FYB2: variants seen among roughly 807,000 people sequenced by gnomAD.
FYB2 encodes the protein FYN-binding protein 2.
In FYB2, 103 loss-of-function variants were observed where a neutral mutation model predicts 94.1. The observed-to-expected ratio is 1.09, with a 90% CI of 0.93 to 1.29. The LOEUF is 1.29. Among genes scored for constraint, FYB2 ranks in the 50% most tolerant of loss-of-function variants. FYB2 has a pLI of 0.00. For missense variants in FYB2, 896 were observed against 841.5 expected, an observed-to-expected ratio of 1.06 and a Z score of -0.80; for synonymous variants, 293 against 287.9, an observed-to-expected ratio of 1.02 and a Z score of -0.18.
At position 56,751,048 on chromosome 1, in the gene FYB2, G is replaced by A; in HGVS notation, c.1383C>T (p.Gly461=). 1.2e-6 allele frequency: 2 copies of A among 1,612,088 alleles called. No homozygotes were observed. Among genetic ancestry groups the A allele is most frequent in the Non-Finnish European group, 1.7e-6 (2 of 1,178,774 alleles). The change falls in exon 9 of 20, where the codon GGC becomes GGT. Residue 461 remains glycine, a synonymous_variant. Transcript: ENST00000343433. ...EGPKLARHSQ[G]HCGHLEVLES... is the part of the protein sequence containing the mutation. ...TCAGAAAGAAATGCAACTTACAGTG[G>A]CCTTGGGAGTGCCTGGCCAGCTTTG... is the stretch of plus-strand genomic sequence containing the variant.
chr1:56,779,090 C>G (rs907013506), intron 4 of FYB2, among the ~76,000 whole-genome samples: 1 of 151,938 alleles, frequency 6.6e-6, no homozygotes, highest in Non-Finnish European at 1.5e-5. Context: ...TGGAAGACAG[C>G]AAACAAGGGT....
intron 5 of FYB2, among the ~76,000 whole-genome samples, chr1:56,762,819 A>G (rs1645530551): frequency 6.6e-6 from 1 of 152,238 alleles, no homozygotes; most frequent in Non-Finnish European, 1.5e-5. Context: ...TGTTACCGGT[A>G]GTAGGGGAAA....
At chr1:56,811,751 T>C (rs1314474571) in intron 1 of FYB2, among the ~76,000 whole-genome samples, 1 of 141,602 alleles carries the variant, frequency 7.1e-6, no homozygotes, top group African/African-American at 2.7e-5. Flanking sequence ...GTTGTTGTAA[T>C]GGACCAAACA....
chr1:56,731,171 C>T (rs930503654), intron 15 of FYB2, among the ~76,000 whole-genome samples: 1 of 152,062 alleles, frequency 6.6e-6, no homozygotes, highest in East Asian at 1.9e-4. Flanking sequence ...GCCTCACACA[C>T]TGACCCCTGG....
At chr1:56,809,534 C>T (rs1243876794) in intron 1 of FYB2, among the ~76,000 whole-genome samples, 2 of 152,140 alleles carry the variant, frequency 1.3e-5, no homozygotes, top group African/African-American at 2.4e-5. Flanking sequence ...CACTCTCTTT[C>T]CAGAATGCTC....
upstream of FYB2, among the ~76,000 whole-genome samples, chr1:56,823,300 T>TA (rs1389014741): frequency 6.6e-6 from 1 of 151,830 alleles, no homozygotes; most frequent in Non-Finnish European, 1.5e-5. Flanking sequence ...AGTGGACCAT[T>TA]AAAAAAACAG....
At position 56,789,115 on chromosome 1, in the gene FYB2, C is replaced by T. The variant is rs1190654288; in HGVS notation, c.777G>A (p.Arg259=). ...GCTTTGTTTTGGGAAGGTGGTGATG[C>T]CTGACATCTGGCTGTTTTTCTGAAC... ...SQAPEKQPDV[R]HHHLPKTKPL... is the part of the protein sequence containing the mutation. The change falls in exon 3 of 20, where the codon AGG becomes AGA. Residue 259 remains arginine, a synonymous_variant. Coordinates refer to ENST00000343433, the MANE Select transcript of FYB2 (RefSeq NM_001004303.5). The T allele has an allele frequency of 6.3e-7, 1 of 1,590,066 alleles. No individual in the cohort carries two copies. Among genetic ancestry groups the T allele is most frequent in the Non-Finnish European group, 8.5e-7 (1 of 1,169,622 alleles).
intron 7 of FYB2, among the ~76,000 whole-genome samples, chr1:56,755,480 A>G (rs1645305358): frequency 6.6e-6 from 1 of 152,112 alleles, no homozygotes; most frequent in African/African-American, 2.4e-5. Context: ...AAAAGAGCAA[A>G]GGCAAAGAGA....
chr1:56,740,904 A>C (rs1187071461), intron 12 of FYB2, 109 bp from the exon 13 acceptor site: 1 of 671,200 alleles, frequency 1.5e-6, no homozygotes, highest in Non-Finnish European at 2.4e-6. Context: ...TGTAAGTGGG[A>C]GCTAAACAAT....
At chr1:56,755,492 T>G (rs961080844) in intron 7 of FYB2, among the ~76,000 whole-genome samples, 1 of 152,100 alleles carries the variant, frequency 6.6e-6, no homozygotes, top group Non-Finnish European at 1.5e-5. Flanking sequence ...GCAAAGAGAC[T>G]TCAAACAGCA....
chr1:56,755,831 A>G, intron 7 of FYB2, 65 bp downstream of exon 7: 2 of 1,481,414 alleles, frequency 1.4e-6, no homozygotes, highest in Non-Finnish European at 1.9e-6. Flanking sequence ...ATAGAGGAAA[A>G]CTAGTTCAGT....
chr1:56,792,689 C>T lies in FYB2; in HGVS notation c.124G>A (p.Gly42Ser), dbSNP rs1176678492. ...AGVSPKGDIGGTQSTQILANG... is the reference protein window; with the variant it reads ...AGVSPKGDIGSTQSTQILANG... ...GCCAAAATTTGAGTTGACTGTGTGC[C>T]TCCAATGTCACCCTTTGGAGAAACA... The change falls in exon 2 of 20, where the codon GGC becomes AGC. Residue 42 changes from glycine (G) to serine (S), a missense_variant. Coordinates refer to ENST00000343433, the MANE Select transcript of FYB2 (RefSeq NM_001004303.5). 5 of 1,614,080 alleles carry T rather than the reference C, an allele frequency of 3.1e-6. No individual in the cohort carries two copies. The highest frequency in any genetic ancestry group is 1.1e-5 in the South Asian group (1 of 91,072).
intron 1 of FYB2, among the ~76,000 whole-genome samples, chr1:56,797,648 G>C (rs568726347): frequency 4.6e-5 from 7 of 152,240 alleles, no homozygotes; most frequent in African/African-American, 1.2e-4. Flanking sequence ...TGTGCTACGT[G>C]GTGGGTAGCA....
chr1:56,768,712 A>G (rs1645684817), intron 4 of FYB2, among the ~76,000 whole-genome samples: 1 of 152,210 alleles, frequency 6.6e-6, no homozygotes, highest in Non-Finnish European at 1.5e-5. Context: ...ACTCAAAATA[A>G]GCTGATAGTG....
chr1:56,756,096 G>T (rs1645323950), intron 6 of FYB2, among the ~76,000 whole-genome samples, 169 bp from the exon 7 acceptor site: 1 of 152,038 alleles, frequency 6.6e-6, no homozygotes, highest in Non-Finnish European at 1.5e-5. Context: ...TTGCAGTGGG[G>T]CTGAAGATCA....
intron 4 of FYB2, among the ~76,000 whole-genome samples, chr1:56,771,353 A>T (rs1557632789): frequency 6.6e-6 from 1 of 152,182 alleles, no homozygotes; most frequent in South Asian, 2.1e-4. Flanking sequence ...CGTAAAAAAA[A>T]GTTGCAGAAG....
intron 9 of FYB2, among the ~76,000 whole-genome samples, chr1:56,750,279 A>G (rs1250091571): frequency 6.6e-6 from 1 of 152,104 alleles, no homozygotes; most frequent in Non-Finnish European, 1.5e-5. Context: ...AATTAGTAGT[A>G]GTATCACCAT....
Position 56,744,027 on chromosome 1 carries a change from A to T in FYB2, c.1542T>A (p.Ser514Arg), listed in dbSNP as rs144051493. The T allele has an allele frequency of 8.7e-6, 14 of 1,612,090 alleles. No homozygotes were observed. In the African/African-American group the frequency reaches 1.9e-4, roughly 22 times the overall value. ...TCAGAAATGTCTTCCTATACTTACCACTACTTGAGGCAAGTGAGCTAGAGT... is the reference window on the plus strand; with the variant it reads ...TCAGAAATGTCTTCCTATACTTACCTCTACTTGAGGCAAGTGAGCTAGAGT... ...LNYSSSLASS[S>R]EENRELYEDV... The change falls in exon 11 of 20, where the codon AGT (serine) becomes AGA (arginine). Residue 514 changes from serine (S) to arginine (R), a missense_variant and splice_region_variant. Transcript: ENST00000343433.
Position 56,730,322 on chromosome 1 carries a change from G to C in FYB2, c.1794-3739C>G, listed in dbSNP as rs964398147. Among the ~76,000 whole-genome samples, 19 of 137,558 alleles carry C rather than the reference G, an allele frequency of 1.4e-4. No individual in the cohort carries two copies. The Admixed American group carries it at 1.4e-3, about 10-fold the overall frequency. 90.2% of individuals were successfully genotyped at this position (137,558 alleles called of 152,430 possible). A position where few individuals can be genotyped will look rare whatever the true frequency, so the allele number is the denominator to read the frequency against. On this transcript the variant is annotated intron_variant, in intron 15 of 19. Transcript: ENST00000343433. ...GGGTGAGAAGGAGAGGGGAGGGGAG[G>C]GAGGAGGGGAGGGGAGAGGGAAGGG... is the stretch of plus-strand genomic sequence containing the variant.
Sources: allele counts gnomAD v4.1 joint callset (sites outside exome capture counted in the v4.1 genomes callset), GRCh38; gene constraint gnomAD v4.1.1; transcripts MANE v1.5; gene names NCBI Gene and HGNC (gene_info 2026-07-23, HGNC 2026-07-21).